MYT1L: variants seen among roughly 807,000 people sequenced by gnomAD.
The protein encoded by MYT1L is myelin transcription factor 1 like, also known as myelin transcription factor 1-like protein.
MYT1L carries 12 observed loss-of-function variants against 126.7 expected under a neutral mutation model. The observed-to-expected ratio is 0.09, with a 90% CI of 0.06 to 0.15. MYT1L has a LOEUF of 0.15. Ranked by LOEUF, MYT1L falls within the 10% of genes least tolerant of loss-of-function variation. MYT1L has a pLI of 1.00. For missense variants in MYT1L, 979 were observed against 1,585.2 expected (o/e 0.62, Z 6.49); for synonymous variants, 541 against 604.2 (o/e 0.90, Z 1.53).
At position 1,974,753 on chromosome 2, in the gene MYT1L, T is replaced by C. The variant is rs556884599; in HGVS notation, c.152+4412A>G. ...GTCCTTCGCCTTTCTCACTGGTTCCTTGGTAGCCAAGAGACCCAGAACAAA... is the reference window on the plus strand; with the variant it reads ...GTCCTTCGCCTTTCTCACTGGTTCCCTGGTAGCCAAGAGACCCAGAACAAA... On this transcript the variant is annotated intron_variant, in intron 8 of 24. Transcript: ENST00000647738. 6.6e-5 allele frequency: 10 copies of C among 152,318 alleles called. No individual in the cohort carries two copies. The East Asian group carries it at 1.7e-3, about 26-fold the overall frequency. The allele number at this position is 152,318 out of a possible 1,614,324, so 9.4% of individuals were successfully genotyped here. A position where few individuals can be genotyped will look rare whatever the true frequency, so the allele number is the denominator to read the frequency against.
At chr2:1,975,021 T>A (rs2149466339) in intron 8 of MYT1L, among the ~76,000 whole-genome samples, 1 of 152,316 alleles carries the variant, frequency 6.6e-6, no homozygotes, top group Non-Finnish European at 1.5e-5. Context: ...AAAATAAATA[T>A]TATAACCTTA....
chr2:2,187,405 G>A (rs908474139), intron 2 of MYT1L, among the ~76,000 whole-genome samples: 2 of 151,910 alleles, frequency 1.3e-5, no homozygotes, highest in African/African-American at 2.4e-5. Context: ...TCTTTCATTC[G>A]CCGTCAACAC....
chr2:2,275,182 C>A (rs969369798), intron 2 of MYT1L, among the ~76,000 whole-genome samples: 1 of 146,152 alleles, frequency 6.8e-6, no homozygotes, highest in Non-Finnish European at 1.5e-5. Context: ...AAAGAAATTT[C>A]AAGAAAATAT....
chr2:2,278,846 T>A (rs1031313998), intron 2 of MYT1L, among the ~76,000 whole-genome samples: 5 of 152,170 alleles, frequency 3.3e-5, no homozygotes, highest in Admixed American at 1.3e-4. Flanking sequence ...AGTGTCCCCT[T>A]GAGCCCAAGG....
chr2:1,985,012 C>T (rs1354724380), intron 5 of MYT1L, among the ~76,000 whole-genome samples: 1 of 152,152 alleles, frequency 6.6e-6, no homozygotes, highest in Admixed American at 6.5e-5. Flanking sequence ...GCTCTCCCCT[C>T]CCCGACAGAG....
Position 1,922,793 on chromosome 2 carries a change from T to C in MYT1L, c.976A>G (p.Ser326Gly). ...CACTGATTCCTCAAACACTCCAGAC[T>C]GCTCAGACACACCTCCTCATCGCTC... Reference protein sequence around the residue: ...EESDEEVCLSSLECLRNQCFD... With the variant: ...EESDEEVCLSGLECLRNQCFD... The change falls in exon 10 of 25, where the codon AGT (serine) becomes GGT (glycine). Residue 326 changes from serine to glycine, a missense_variant. This residue lies in a region of MYT1L where 243 missense variants were observed against 363.9 expected (regional missense o/e 0.67). Coordinates refer to ENST00000647738, the MANE Select transcript of MYT1L (RefSeq NM_001303052.2). The surrounding 1 kb of genome is among the most constrained non-coding windows in gnomAD (Gnocchi z 7.4). 6.2e-7 allele frequency: 1 copy of C among 1,614,012 alleles called. No homozygotes were observed. Among genetic ancestry groups the C allele is most frequent in the Non-Finnish European group, 8.5e-7 (1 of 1,179,900 alleles).
Position 1,811,412 on chromosome 2 carries a change from A to ATCAGCTCTG in MYT1L, c.3081-2246_3081-2245insCAGAGCTGA, listed in dbSNP as rs1558624593. On this transcript the variant is annotated intron_variant, in intron 21 of 24. Transcript: ENST00000647738. This position sits in a 1 kb window ranked among gnomAD's most constrained non-coding sequence, Gnocchi z 4.4. ...CATCAGCTCTGGCGTCATCAGCTCC[A>ATCAGCTCTG]GCATCATCAGCTCCCGCGTCCTATC... The ATCAGCTCTG allele has an allele frequency of 1.2e-4, 6 of 52,064 alleles. No individual in the cohort carries two copies. Among genetic ancestry groups the ATCAGCTCTG allele is most frequent in the South Asian group, 9.3e-4 (1 of 1,080 alleles). The allele number at this position is 52,064 out of a possible 1,614,324, so 3.2% of individuals were successfully genotyped here. A position where few individuals can be genotyped will look rare whatever the true frequency, so the allele number is the denominator to read the frequency against.
At chr2:2,055,057 T>C (rs557085771) in intron 3 of MYT1L, among the ~76,000 whole-genome samples, 1 of 152,310 alleles carries the variant, frequency 6.6e-6, no homozygotes, top group East Asian at 1.9e-4. Context: ...AATAAATCAT[T>C]CCTTATAGAA....
intron 3 of MYT1L, among the ~76,000 whole-genome samples, chr2:2,099,295 C>A (rs2077777862): frequency 6.6e-6 from 1 of 151,866 alleles, no homozygotes; most frequent in Non-Finnish European, 1.5e-5. Context: ...GAACATGTAG[C>A]TTTCAGTCTT....
chr2:2,152,283 C>T (rs1158920690), intron 3 of MYT1L, among the ~76,000 whole-genome samples: 1 of 152,208 alleles, frequency 6.6e-6, no homozygotes, highest in Non-Finnish European at 1.5e-5. Context: ...AATTCTGGTC[C>T]AGAGCAGGAT....
chr2:2,295,589 C>CAG (rs1559583599), intron 1 of MYT1L, among the ~76,000 whole-genome samples: 9 of 40,346 alleles, frequency 2.2e-4, no homozygotes, highest in South Asian at 1.1e-3. Flanking sequence ...GAGAGACAGA[C>CAG]AGACAGAGAG....
At chr2:2,278,379 G>A (rs1003781906) in intron 2 of MYT1L, among the ~76,000 whole-genome samples, 6 of 152,176 alleles carry the variant, frequency 3.9e-5, no homozygotes, top group African/African-American at 7.2e-5. Context: ...TCCCTCCTCT[G>A]TCACTGTTAT....
At chr2:2,321,213 A>T (rs976537464) in intron 1 of MYT1L, among the ~76,000 whole-genome samples, 1 of 152,164 alleles carries the variant, frequency 6.6e-6, no homozygotes. Flanking sequence ...GATTCTGAAA[A>T]GCTCTTGCCC....
rs1395459340 is a variant in MYT1L at position 1,801,952 on chromosome 2, CTG to C, written c.3173-155_3173-154del. 5.2e-6 allele frequency: 3 copies of C among 580,034 alleles called. No individual in the cohort carries two copies. Among genetic ancestry groups the C allele is most frequent in the African/African-American group, 3.8e-5 (2 of 52,698 alleles). 35.9% of individuals were successfully genotyped at this position (580,034 alleles called of 1,614,324 possible). On this transcript the variant is annotated intron_variant, in intron 22 of 24. Coordinates refer to ENST00000647738, the MANE Select transcript of MYT1L (RefSeq NM_001303052.2). This position sits in a 1 kb window ranked among gnomAD's most constrained non-coding sequence, Gnocchi z 4.2. Reference sequence around the variant, plus strand: ...AGAAAGGAAAAAATCATCACAATCTCTGTGTCTTTCTATTCCCTACCACCGCC... The same window carrying C: ...AGAAAGGAAAAAATCATCACAATCTCTGTCTTTCTATTCCCTACCACCGCC...
At chr2:2,004,034 C>T (rs1289569400) in intron 4 of MYT1L, among the ~76,000 whole-genome samples, 3 of 150,872 alleles carry the variant, frequency 2.0e-5, no homozygotes, top group Non-Finnish European at 4.4e-5. Context: ...TTCTTTCCTG[C>T]ATGCATTCTT....
intron 3 of MYT1L, among the ~76,000 whole-genome samples, chr2:2,056,779 C>T (rs550022421): frequency 6.6e-6 from 1 of 152,332 alleles, no homozygotes; most frequent in South Asian, 2.1e-4. Context: ...TAACAGCAGC[C>T]AGGCGGAAGC....
At chr2:2,141,929 T>C (rs1404879746) in intron 3 of MYT1L, among the ~76,000 whole-genome samples, 3 of 152,148 alleles carry the variant, frequency 2.0e-5, no homozygotes, top group Admixed American at 1.3e-4. Flanking sequence ...ATTTAAAAAA[T>C]GATAATTAAA....
At chr2:2,196,052 A>C (rs1638923387) in intron 2 of MYT1L, among the ~76,000 whole-genome samples, 1 of 152,122 alleles carries the variant, frequency 6.6e-6, no homozygotes, top group South Asian at 2.1e-4. Context: ...CAAGCAATAG[A>C]AATTTCAAGG....
intron 2 of MYT1L, among the ~76,000 whole-genome samples, chr2:2,265,536 A>G (rs769507771): frequency 1.3e-5 from 2 of 152,170 alleles, no homozygotes; most frequent in Non-Finnish European, 2.9e-5. Context: ...CAGTGGGTAC[A>G]GAGGGGACCA....
Sources: gnomAD v4.1 joint callset for allele counts (sites outside exome capture counted in the v4.1 genomes callset) on GRCh38, gnomAD v4.1.1 for gene constraint, gnomAD v4.1.1 regional missense constraint, Gnocchi (gnomAD v3.1) non-coding constraint, MANE v1.5 for transcripts, NCBI Gene and HGNC (gene_info 2026-07-23, HGNC 2026-07-21) for gene names.